Variants in CNOT6L observed in about 807,000 individuals in gnomAD.
The protein encoded by CNOT6L is CCR4-NOT transcription complex subunit 6 like, also known as CCR4-NOT transcription complex subunit 6-like.
In CNOT6L, 7 loss-of-function variants were observed where a neutral mutation model predicts 64.0. That is an observed-to-expected ratio of 0.11 (90% confidence interval 0.06 to 0.21). CNOT6L has a LOEUF of 0.21. CNOT6L is among the 10% of genes least tolerant of loss of function. CNOT6L has a pLI of 1.00. For missense variants in CNOT6L, 245 were observed against 669.0 expected (o/e 0.37, Z 6.99); for synonymous variants, 193 against 243.4 (o/e 0.79, Z 1.93).
chr4:77,808,519 C>T (rs1732518221), intron 1 of CNOT6L, among the ~76,000 whole-genome samples: 1 of 151,400 alleles, frequency 6.6e-6, no homozygotes, highest in Non-Finnish European at 1.5e-5. Flanking sequence ...GTCTCCTATC[C>T]TAGCCCACAG....
At chr4:77,753,791 G>T (rs1263451424) in intron 5 of CNOT6L, among the ~76,000 whole-genome samples, 1 of 150,796 alleles carries the variant, frequency 6.6e-6, no homozygotes. Context: ...TACCAAAGGT[G>T]GTATAACATA....
chr4:77,749,879 A>G (rs1306840319), intron 5 of CNOT6L, among the ~76,000 whole-genome samples: 1 of 152,218 alleles, frequency 6.6e-6, no homozygotes, highest in African/African-American at 2.4e-5. Context: ...ATGACTGAGT[A>G]AAATTCTATT....
At chr4:77,819,007 G>A (rs2110205550) in intron 1 of CNOT6L, 1 of 668,442 alleles carries the variant, frequency 1.5e-6, no homozygotes, top group Non-Finnish European at 2.7e-6. Flanking sequence ...CACAAAGCGG[G>A]AGGGACACGC....
At chr4:77,746,259 G>A (rs1463233690) in intron 6 of CNOT6L, among the ~76,000 whole-genome samples, 2 of 152,100 alleles carry the variant, frequency 1.3e-5, no homozygotes, top group East Asian at 3.9e-4. Context: ...GCCTGAGAAT[G>A]AACCAGCAAT....
upstream of CNOT6L, chr4:77,819,658 T>TGCGGCGGCGGGGGAGGCG (rs1553901040): frequency 1.4e-5 from 2 of 147,638 alleles, no homozygotes; most frequent in African/African-American, 2.5e-5. Flanking sequence ...GTGCTGGTGC[T>TGCGGCGGCGGGGGAGGCG]GCGGCGGCGG....
chr4:77,784,524 G>T lies in CNOT6L; in HGVS notation c.6-8132C>A, dbSNP rs190362852. On this transcript the variant is annotated intron_variant, in intron 1 of 11. Coordinates refer to ENST00000504123, the MANE Select transcript of CNOT6L (RefSeq NM_144571.3). The stretch of plus-strand genomic sequence containing the variant: ...TATTTTTTTTTTTTTTTGAGACTAG[G>T]TCTCACTTTATCACCCAGGCTGGAG... Among the ~76,000 whole-genome samples the T allele has an allele frequency of 2.7e-3, 393 of 148,102 alleles. 6 individuals carry two copies. Among genetic ancestry groups the T allele is most frequent in the Non-Finnish European group, 3.9e-3 (264 of 67,266 alleles).
chr4:77,792,004 T>C (rs1730205192), intron 1 of CNOT6L, among the ~76,000 whole-genome samples: 1 of 152,180 alleles, frequency 6.6e-6, no homozygotes, highest in Non-Finnish European at 1.5e-5. Flanking sequence ...AATTTTAAAT[T>C]CAAATAAAAT....
At chr4:77,728,082 T>G (rs9993942) in intron 10 of CNOT6L, among the ~76,000 whole-genome samples, 131,340 of 152,214 alleles carry the variant, frequency 0.86, 56,908 homozygotes, top group Non-Finnish European at 0.9. Flanking sequence ...ATGCAGAAAT[T>G]ATTTTTATAA....
intron 4 of CNOT6L, among the ~76,000 whole-genome samples, chr4:77,766,466 C>T (rs1434922863): frequency 6.6e-6 from 1 of 151,836 alleles, no homozygotes; most frequent in Non-Finnish European, 1.5e-5. Flanking sequence ...AGTATTAATG[C>T]TTCCACTCAA....
chr4:77,773,199 T>A, intron 3 of CNOT6L, 33 bp from the exon 4 acceptor site: 49 of 1,269,990 alleles, frequency 3.9e-5, no homozygotes, highest in Non-Finnish European at 4.7e-5. Flanking sequence ...ATTAGTTTAA[T>A]ATACTAAGTT....
intron 1 of CNOT6L, among the ~76,000 whole-genome samples, chr4:77,777,080 A>G (rs1728235122): frequency 6.6e-6 from 1 of 152,214 alleles, no homozygotes; most frequent in Non-Finnish European, 1.5e-5. Flanking sequence ...AAGCCAATAT[A>G]GTTCTCTTAC....
At chr4:77,776,233 T>TATTACATTCCAG in intron 2 of CNOT6L, 38 bp downstream of exon 2, 1 of 1,599,078 alleles carries the variant, frequency 6.3e-7, no homozygotes, top group Non-Finnish European at 8.5e-7. Context: ...GTATTATCAC[T>TATTACATTCCAG]ATTACATTCC....
At chr4:77,785,655 T>C (rs548582894) in intron 1 of CNOT6L, among the ~76,000 whole-genome samples, 36 of 152,264 alleles carry the variant, frequency 2.4e-4, no homozygotes, top group East Asian at 2.3e-3. Context: ...CATGAAAAGA[T>C]GCACAACATT....
chr4:77,804,696 A>G (rs1018345248), intron 1 of CNOT6L, among the ~76,000 whole-genome samples: 1 of 152,206 alleles, frequency 6.6e-6, no homozygotes, highest in Non-Finnish European at 1.5e-5. Flanking sequence ...GGTTGGCAAC[A>G]TACTGAATGT....
rs386400560 is a variant in CNOT6L, at chr4:77,797,102, C to CAAAAAAAAA, written c.6-20719_6-20711dup. 1.7e-4 allele frequency among the ~76,000 whole-genome samples: 9 copies of CAAAAAAAAA among 52,982 alleles called. 1 individual carries two copies. The highest frequency in any genetic ancestry group is 2.5e-4 in the Non-Finnish European group (8 of 32,102). The allele number at this position is 52,982 out of a possible 152,430, so 34.8% of individuals were successfully genotyped here. A position where few individuals can be genotyped will look rare whatever the true frequency, so the allele number is the denominator to read the frequency against. ...AGCCTGACAGAGGAAGACCTTGTCTCAAAAAAAAAAAAAAAAAAAAAAAAC... is the reference window on the plus strand; with the variant it reads ...AGCCTGACAGAGGAAGACCTTGTCTCAAAAAAAAAAAAAAAAAAAAAAAAAAAAAAAAAC... On this transcript the variant is annotated intron_variant, in intron 1 of 11. Coordinates refer to ENST00000504123, the MANE Select transcript of CNOT6L (RefSeq NM_144571.3).
At chr4:77,769,933 C>T (rs992061265) in intron 4 of CNOT6L, among the ~76,000 whole-genome samples, 62 of 152,256 alleles carry the variant, frequency 4.1e-4, no homozygotes, top group African/African-American at 1.4e-3. Context: ...TATTGCCTTA[C>T]ACCTTAGGAC....
intron 2 of CNOT6L, 90 bp from the exon 3 acceptor site, chr4:77,774,806 G>T: frequency 1.4e-6 from 1 of 733,878 alleles, no homozygotes; most frequent in Non-Finnish European, 2.1e-6. Flanking sequence ...AAGAGAGGCT[G>T]CAAATACACA....
chr4:77,759,346 A>T (rs1034000834), intron 4 of CNOT6L, among the ~76,000 whole-genome samples: 1 of 151,858 alleles, frequency 6.6e-6, no homozygotes, highest in Non-Finnish European at 1.5e-5. Context: ...CGGGTGGATC[A>T]TGAGGTCAGG....
intron 1 of CNOT6L, among the ~76,000 whole-genome samples, chr4:77,818,786 G>T (rs1291271398): frequency 6.6e-6 from 1 of 151,732 alleles, no homozygotes; most frequent in South Asian, 2.1e-4. Context: ...GGAGGCGTCC[G>T]GGGAGGTGGG....
Sources: allele counts gnomAD v4.1 joint callset (sites outside exome capture counted in the v4.1 genomes callset), GRCh38; gene constraint gnomAD v4.1.1; transcripts MANE v1.5; gene names NCBI Gene and HGNC (gene_info 2026-07-23, HGNC 2026-07-21).